DMD: variants seen among roughly 807,000 people sequenced by gnomAD.
The protein encoded by DMD is dystrophin.
In DMD, 63 loss-of-function variants were observed where a neutral mutation model predicts 330.1. The observed-to-expected ratio is 0.19, with a 90% CI of 0.16 to 0.24. The LOEUF (loss-of-function observed/expected upper bound fraction) is 0.24, where lower values mean the gene tolerates loss of function less well. Among genes scored for constraint, DMD ranks in the 10% least tolerant of loss-of-function variants. DMD has a pLI of 1.00. For synonymous variants in DMD, 1,223 were observed against 959.8 expected (o/e 1.27, Z -5.07); for missense variants, 3,344 against 2,684.1 (o/e 1.25, Z -5.43).
intron 60 of DMD, among the ~76,000 whole-genome samples, chrX:31,413,686 A>T (rs1474707641): frequency 9.8e-5 from 11 of 112,025 alleles, no homozygotes; most frequent in Admixed American, 9.5e-4. Flanking sequence ...TTAACACAAC[A>T]TTCCTCCTTG....
At position 33,211,411 on chromosome X, in the gene DMD, A is replaced by G; in HGVS notation, c.-99T>C. ...GCTTAAAAACAATGAGAAACCAACA[A>G]ACTTCAGCAGCTTTAAAAAAAGTAA... On this transcript the variant is annotated 5_prime_UTR_variant, in exon 1 of 79. Coordinates refer to ENST00000357033, the MANE Select transcript of DMD (RefSeq NM_004006.3). The G allele has an allele frequency of 8.6e-7, 1 of 1,165,630 alleles. No homozygotes were observed. Among genetic ancestry groups the G allele is most frequent in the Admixed American group, 2.6e-5 (1 of 38,971 alleles).
chrX:33,258,804 A>G (rs772305441), intron 1 of DMD, among the ~76,000 whole-genome samples: 43 of 111,131 alleles, frequency 3.9e-4, no homozygotes, highest in African/African-American at 1.3e-3. Flanking sequence ...TTCGGATCTT[A>G]ATTGTCTTAT....
At chrX:32,782,110 T>A (rs1441814133) in intron 7 of DMD, among the ~76,000 whole-genome samples, 1 of 111,676 alleles carries the variant, frequency 9.0e-6, no homozygotes, top group African/African-American at 3.3e-5. Flanking sequence ...TAATGAAAAC[T>A]TTGAAAAATG....
intron 64 of DMD, among the ~76,000 whole-genome samples, chrX:31,214,084 T>C (rs1468459621): frequency 3.2e-5 from 1 of 31,019 alleles, no homozygotes; most frequent in Non-Finnish European, 7.6e-5. Flanking sequence ...AAGTTCAGAA[T>C]TTCTTTCCAC....
intron 60 of DMD, among the ~76,000 whole-genome samples, chrX:31,386,837 A>C (rs2060469091): frequency 8.9e-6 from 1 of 111,790 alleles, no homozygotes; most frequent in Non-Finnish European, 1.9e-5. Context: ...AGTTTTTTTA[A>C]TAGGCTTCAT....
At chrX:33,166,955 T>C (rs753777435) in intron 1 of DMD, among the ~76,000 whole-genome samples, 31 of 110,951 alleles carry the variant, frequency 2.8e-4, no homozygotes, top group African/African-American at 1.0e-3. Context: ...AAAAGCACCA[T>C]CGATATGTAT....
At chrX:31,770,442 ACT>A (rs1431028282) in intron 51 of DMD, among the ~76,000 whole-genome samples, 1 of 105,155 alleles carries the variant, frequency 9.5e-6, no homozygotes, top group Non-Finnish European at 2.0e-5. Context: ...CCTCTGATAT[ACT>A]CTGTTTTTTT....
At chrX:33,232,547 A>G (rs2052406220) in intron 1 of DMD, among the ~76,000 whole-genome samples, 1 of 111,725 alleles carries the variant, frequency 9.0e-6, no homozygotes. Flanking sequence ...TTAGGAGTTC[A>G]AGTTCAACTT....
chrX:32,346,346 G>T (rs1392047259), intron 38 of DMD, among the ~76,000 whole-genome samples: 1 of 111,242 alleles, frequency 9.0e-6, no homozygotes, highest in Non-Finnish European at 1.9e-5. Context: ...ACTTCATCAT[G>T]TCAGACAAGT....
chrX:31,984,462 G>A (rs1000113302), intron 44 of DMD, among the ~76,000 whole-genome samples: 2 of 112,335 alleles, frequency 1.8e-5, no homozygotes, highest in African/African-American at 6.5e-5. Flanking sequence ...ACACGAAGGT[G>A]AATGATGCAA....
At chrX:32,000,969 A>G (rs963238748) in intron 44 of DMD, among the ~76,000 whole-genome samples, 1 of 111,003 alleles carries the variant, frequency 9.0e-6, no homozygotes, top group Non-Finnish European at 1.9e-5. Flanking sequence ...GGTTGCATAC[A>G]ACGGGCACAT....
intron 47 of DMD, among the ~76,000 whole-genome samples, chrX:31,877,667 TTGTGTGTG>T (rs10670657): frequency 8.8e-5 from 9 of 102,334 alleles, no homozygotes; most frequent in African/African-American, 1.8e-4. Flanking sequence ...TGCTGAACTC[TTGTGTGTG>T]TGTGTGTGTG....
At chrX:31,454,375 C>T (rs2065999275) in intron 59 of DMD, among the ~76,000 whole-genome samples, 1 of 111,978 alleles carries the variant, frequency 8.9e-6, no homozygotes, top group African/African-American at 3.2e-5. Flanking sequence ...CTCCTGACAT[C>T]AGATGATCCA....
chrX:32,632,032 A>G (rs1469533355), intron 11 of DMD, among the ~76,000 whole-genome samples: 1 of 111,805 alleles, frequency 8.9e-6, no homozygotes, highest in Non-Finnish European at 1.9e-5. Context: ...GAGACAAGGT[A>G]AGTTTCTTCT....
At chrX:33,004,235 G>A (rs1287528899) in intron 2 of DMD, among the ~76,000 whole-genome samples, 1 of 111,881 alleles carries the variant, frequency 8.9e-6, no homozygotes, top group Non-Finnish European at 1.9e-5. Flanking sequence ...AAGAAAACAG[G>A]AGAAGAAAAA....
intron 1 of DMD, among the ~76,000 whole-genome samples, chrX:33,301,773 T>C (rs2053666432): frequency 9.0e-6 from 1 of 111,387 alleles, no homozygotes; most frequent in African/African-American, 3.3e-5. Context: ...AGCCTTTTTA[T>C]AAGGTCATTA....
chrX:33,107,386 A>G (rs1159358596), intron 1 of DMD, among the ~76,000 whole-genome samples: 2 of 105,829 alleles, frequency 1.9e-5, no homozygotes, highest in Non-Finnish European at 3.9e-5. Context: ...ATACATGCCA[A>G]GAGGGTAGGA....
At chrX:33,003,523 T>A (rs2147450014) in intron 2 of DMD, among the ~76,000 whole-genome samples, 1 of 112,128 alleles carries the variant, frequency 8.9e-6, no homozygotes, top group East Asian at 2.8e-4. Context: ...TAATATACAG[T>A]AAACTATTCA....
At chrX:32,547,679 T>C (rs140039974) in intron 16 of DMD, among the ~76,000 whole-genome samples, 335 of 111,366 alleles carry the variant, frequency 3.0e-3, no homozygotes, top group African/African-American at 9.5e-3. Context: ...ATAACTATTA[T>C]TGACACTTAA....
Sources: gnomAD v4.1 joint callset for allele counts (sites outside exome capture counted in the v4.1 genomes callset) on GRCh38, gnomAD v4.1.1 for gene constraint, MANE v1.5 for transcripts, NCBI Gene and HGNC (gene_info 2026-07-23, HGNC 2026-07-21) for gene names.